Variants in DIPK2A observed in about 807,000 individuals in gnomAD.
The protein encoded by DIPK2A is divergent protein kinase domain 2A.
DIPK2A carries 27 observed loss-of-function variants against 39.0 expected under a neutral mutation model. The observed-to-expected ratio is 0.69, with a 90% confidence interval of 0.51 to 0.96. DIPK2A has a LOEUF of 0.96. DIPK2A is among the 40% of genes least tolerant of loss of function. DIPK2A has a pLI of 0.00. For synonymous variants in DIPK2A, 298 were observed against 240.8 expected, an observed-to-expected ratio of 1.24 and a Z score of -2.20; for missense variants, 528 against 571.3, an observed-to-expected ratio of 0.92 and a Z score of 0.77.
chr3:143,987,278 T>G (rs2087917339), intron 2 of DIPK2A, among the ~76,000 whole-genome samples: 1 of 152,222 alleles, frequency 6.6e-6, no homozygotes, highest in Admixed American at 6.5e-5. Flanking sequence ...AAAAATTATT[T>G]CAGTGTTTAT....
intron 1 of DIPK2A, among the ~76,000 whole-genome samples, chr3:143,977,736 G>A (rs2087750734): frequency 1.3e-5 from 2 of 151,900 alleles, no homozygotes; most frequent in African/African-American, 2.4e-5. Context: ...ACTTTTTGTG[G>A]CTTTTCATCT....
At chr3:143,982,474 C>G (rs957172437) in intron 1 of DIPK2A, among the ~76,000 whole-genome samples, 1 of 152,140 alleles carries the variant, frequency 6.6e-6, no homozygotes, top group African/African-American at 2.4e-5. Context: ...AATTTTCAAC[C>G]TAGAATTTCA....
At position 143,987,970 on chromosome 3, in the gene DIPK2A, C is replaced by CA. The variant is rs747847715; in HGVS notation, c.962-1534dup. Among the ~76,000 whole-genome samples, 12 of 152,216 alleles carry CA rather than the reference C, an allele frequency of 7.9e-5. No individual in the cohort carries two copies. In the East Asian group the frequency reaches 1.7e-3, roughly 22 times the overall value. On this transcript the variant is annotated intron_variant, in intron 2 of 2. Transcript: ENST00000315691. ...TTCCTTCTTTTGGAATAGTAACCTTCAAAAAACATTAACTTACTACTCCTT... is the reference window on the plus strand; with the variant it reads ...TTCCTTCTTTTGGAATAGTAACCTTCAAAAAAACATTAACTTACTACTCCTT...
Position 143,990,001 on chromosome 3 carries a change from ATTAC to A in DIPK2A, c.*163_*166del. On this transcript the variant is annotated 3_prime_UTR_variant, in exon 3 of 3. Coordinates refer to ENST00000315691, the MANE Select transcript of DIPK2A (RefSeq NM_173552.5). ...ATGTTAACATCCATCAAAATAAGAC[ATTAC>A]TTCAAAAATCACATGATGCTTCTGC... 1 of 610,094 alleles carries A rather than the reference ATTAC, an allele frequency of 1.6e-6. No homozygotes were observed. The highest frequency in any genetic ancestry group is 2.2e-5 in the South Asian group (1 of 46,268). The allele number at this position is 610,094 out of a possible 1,614,324, so 37.8% of individuals were successfully genotyped here.
chr3:143,979,294 A>G (rs1443832897), intron 1 of DIPK2A, among the ~76,000 whole-genome samples: 2 of 152,204 alleles, frequency 1.3e-5, no homozygotes, highest in Non-Finnish European at 2.9e-5. Context: ...TGAATATGGT[A>G]GGAAAGACGG....
chr3:143,985,616 A>G lies in DIPK2A; in HGVS notation c.731A>G (p.Tyr244Cys), dbSNP rs750415909. The G allele has an allele frequency of 3.1e-6, 5 of 1,614,180 alleles. No individual in the cohort carries two copies. Among genetic ancestry groups the G allele is most frequent in the Non-Finnish European group, 3.4e-6 (4 of 1,180,004 alleles). Reference protein sequence around the residue: ...GACGRMVAVNYVGEELWSYFN... With the variant: ...GACGRMVAVNCVGEELWSYFN... ...TGTGGAAGAATGGTGGCTGTAAATT[A>G]TGTTGGAGAAGAACTGTGGAGTTAC... The change falls in exon 2 of 3, where the codon TAT becomes TGT. Residue 244 changes from tyrosine to cysteine, a missense_variant. Around this residue, in one of 2 missense-constraint regions of DIPK2A, gnomAD observed 219 missense variants for 281.5 expected, o/e 0.78. Coordinates refer to ENST00000315691, the MANE Select transcript of DIPK2A (RefSeq NM_173552.5).
chr3:143,974,289 A>G (rs911662246), intron 1 of DIPK2A, among the ~76,000 whole-genome samples: 4 of 152,188 alleles, frequency 2.6e-5, no homozygotes, highest in African/African-American at 9.7e-5. Flanking sequence ...TTCAGATGAA[A>G]CTTTAGTGTG....
chr3:143,978,664 A>ATATATATATATC (rs1559854273), intron 1 of DIPK2A: 1 of 47,316 alleles, frequency 2.1e-5, no homozygotes, highest in African/African-American at 1.2e-4. Flanking sequence ...ATATATCTAT[A>ATATATATATATC]TATAGATATA....
chr3:143,979,515 A>G (rs1245336236), intron 1 of DIPK2A, among the ~76,000 whole-genome samples: 1 of 152,114 alleles, frequency 6.6e-6, no homozygotes, highest in African/African-American at 2.4e-5. Flanking sequence ...TTTTCTTTCT[A>G]ATGCTTTTTT....
At chr3:143,980,729 A>G (rs2087816724) in intron 1 of DIPK2A, among the ~76,000 whole-genome samples, 1 of 151,340 alleles carries the variant, frequency 6.6e-6, no homozygotes. Flanking sequence ...TAGTTTGTTT[A>G]TACTAAGAAC....
intron 1 of DIPK2A, among the ~76,000 whole-genome samples, chr3:143,975,983 A>G (rs534664339): frequency 6.6e-6 from 1 of 152,246 alleles, no homozygotes; most frequent in Non-Finnish European, 1.5e-5. Context: ...TTAATCCATT[A>G]AACTCACCTC....
intron 1 of DIPK2A, chr3:143,978,598 CTATCTATATATATATATCTA>C (rs1244817641): frequency 3.6e-5 from 2 of 55,606 alleles, no homozygotes; most frequent in African/African-American, 1.9e-4. Context: ...ATCTATCTAT[CTATCTATATATATATATCTA>C]TATCTATATA....
At chr3:143,984,712 C>A (rs1318418536) in intron 1 of DIPK2A, among the ~76,000 whole-genome samples, 1 of 151,854 alleles carries the variant, frequency 6.6e-6, no homozygotes, top group African/African-American at 2.4e-5. Flanking sequence ...GGATGATAAT[C>A]CTGCCAGTAG....
intron 1 of DIPK2A, among the ~76,000 whole-genome samples, chr3:143,979,672 G>A (rs1056215634): frequency 3.3e-5 from 5 of 151,630 alleles, no homozygotes; most frequent in East Asian, 2.0e-4. Context: ...TTGTGAACAA[G>A]TGAAGTGTTT....
At chr3:143,973,264 C>A (rs773516917) in intron 1 of DIPK2A, 2 of 1,337,358 alleles carry the variant, frequency 1.5e-6, no homozygotes, top group South Asian at 2.5e-5. Context: ...GAGTGCGTCT[C>A]TTAACACTCC....
chr3:143,990,793 C>T lies in DIPK2A; in HGVS notation c.*952C>T, dbSNP rs765967845. The T allele has an allele frequency of 4.6e-5, 7 of 152,584 alleles. No homozygotes were observed. The highest frequency in any genetic ancestry group is 7.4e-5 in the Non-Finnish European group (5 of 68,008). The allele number at this position is 152,584 out of a possible 1,614,324, so 9.5% of individuals were successfully genotyped here. A position where few individuals can be genotyped will look rare whatever the true frequency, so the allele number is the denominator to read the frequency against. On this transcript the variant is annotated 3_prime_UTR_variant, in exon 3 of 3. Coordinates refer to ENST00000315691, the MANE Select transcript of DIPK2A (RefSeq NM_173552.5). ...TAGAATTTAAAATAGAATTGGTCAG[C>T]TACTTATTCTTACCACCCTACTTCC...
chr3:143,978,652 A>ATATC (rs2087778077), intron 1 of DIPK2A: 1 of 50,646 alleles, frequency 2.0e-5, no homozygotes, highest in African/African-American at 1.1e-4. Context: ...ATATATATAT[A>ATATC]TATATATCTA....
At chr3:143,982,368 T>C (rs1393527964) in intron 1 of DIPK2A, among the ~76,000 whole-genome samples, 1 of 152,022 alleles carries the variant, frequency 6.6e-6, no homozygotes, top group Admixed American at 6.6e-5. Context: ...AATTTTTAAA[T>C]AGAGAAAGCC....
At position 143,972,197 on chromosome 3, in the gene DIPK2A, T is replaced by G. The variant is rs2087659304; in HGVS notation, c.-136T>G. On this transcript the variant is annotated 5_prime_UTR_variant, in exon 1 of 3. Coordinates refer to ENST00000315691, the MANE Select transcript of DIPK2A (RefSeq NM_173552.5). ...TCCCCGTCTTCCTCTCTCACACACC[T>G]ACTCCGCCCTCCGCCCCAGCCCGCG... 4.1e-6 allele frequency: 3 copies of G among 730,498 alleles called. No homozygotes were observed. The highest frequency in any genetic ancestry group is 6.0e-6 in the Non-Finnish European group (3 of 502,844). The allele number at this position is 730,498 out of a possible 1,614,324, so 45.3% of individuals were successfully genotyped here. A position where few individuals can be genotyped will look rare whatever the true frequency, so the allele number is the denominator to read the frequency against.
Sources: allele counts gnomAD v4.1 joint callset (sites outside exome capture counted in the v4.1 genomes callset), GRCh38; gene constraint gnomAD v4.1.1; regional missense constraint gnomAD v4.1.1; transcripts MANE v1.5; gene names NCBI Gene and HGNC (gene_info 2026-07-23, HGNC 2026-07-21).